The following CENPE variants were observed in gnomAD, a reference collection of about 807,000 sequenced individuals.
CENPE encodes the protein centromere protein E.
In CENPE, 145 loss-of-function variants were observed where a neutral mutation model predicts 336.1. The ratio of observed to expected loss-of-function variants is 0.43; its 90% CI spans 0.38 to 0.50. CENPE has a LOEUF of 0.50. CENPE is among the 20% of genes least tolerant of loss of function. The probability of loss-of-function intolerance (pLI) is 0.00; values close to 1 mark genes in which losing one functional copy is unlikely to be tolerated. For missense variants in CENPE, 2,719 were observed against 3,023.3 expected, an observed-to-expected ratio of 0.90 and a Z score of 2.36; for synonymous variants, 1,013 against 984.8, an observed-to-expected ratio of 1.03 and a Z score of -0.54.
Position 103,161,122 on chromosome 4 carries a change from T to C in CENPE, c.2095A>G (p.Lys699Glu). 6.2e-7 allele frequency: 1 copy of C among 1,607,120 alleles called. No homozygotes were observed. Among genetic ancestry groups the C allele is most frequent in the South Asian group, 1.1e-5 (1 of 88,976 alleles). The part of the protein sequence containing the change: ...ELQSAFNEIT[K>E]LTSLIDGKVP... Reference sequence around the variant, plus strand: ...TTGCCATCTATAAGGGAGGTGAGTTTTGTTATCTCATTAAAAGCAGATTGT... The same window carrying C: ...TTGCCATCTATAAGGGAGGTGAGTTCTGTTATCTCATTAAAAGCAGATTGT... Residue 699 changes from lysine to glutamate, a missense_variant, in exon 20 of 49, where the codon AAA becomes GAA. Transcript: ENST00000265148.
At chr4:103,127,139 C>T (rs1437918206) in intron 42 of CENPE, among the ~76,000 whole-genome samples, 1 of 146,294 alleles carries the variant, frequency 6.8e-6, no homozygotes, top group Non-Finnish European at 1.5e-5. Flanking sequence ...AAAAAAACCC[C>T]CAAAAACAAA....
At chr4:103,150,353 A>C (rs1305400698) in intron 26 of CENPE, among the ~76,000 whole-genome samples, 1 of 152,300 alleles carries the variant, frequency 6.6e-6, no homozygotes, top group East Asian at 1.9e-4. Context: ...AGGCTGAGGC[A>C]GGAAGACTGC....
intron 39 of CENPE, 54 bp from the exon 40 acceptor site, chr4:103,136,413 T>A: frequency 2.4e-6 from 3 of 1,247,882 alleles, no homozygotes; most frequent in South Asian, 2.7e-5. Flanking sequence ...AATATCACAA[T>A]AAGTAGTTAC....
intron 5 of CENPE, 30 bp from the exon 6 acceptor site, chr4:103,194,714 G>A: frequency 1.3e-6 from 2 of 1,533,624 alleles, no homozygotes; most frequent in Non-Finnish European, 1.8e-6. Flanking sequence ...GGAAAGATTA[G>A]AGAAATAGAA....
At chr4:103,112,617 T>C (rs1749582027) in intron 46 of CENPE, among the ~76,000 whole-genome samples, 1 of 133,806 alleles carries the variant, frequency 7.5e-6, no homozygotes, top group African/African-American at 3.0e-5. Context: ...AGTCTGTATA[T>C]ATACTTGTAA....
At chr4:103,161,538 G>T in intron 18 of CENPE, 81 bp from the exon 19 acceptor site, 1 of 1,256,264 alleles carries the variant, frequency 8.0e-7, no homozygotes, top group Non-Finnish European at 1.1e-6. Flanking sequence ...GTATATAAAT[G>T]TTAACTCTAG....
Position 103,149,013 on chromosome 4 carries a change from AT to A in CENPE, c.3688-15del, listed in dbSNP as rs1301838892. 2.5e-6 allele frequency: 4 copies of A among 1,606,882 alleles called. No homozygotes were observed. Among genetic ancestry groups the A allele is most frequent in the Non-Finnish European group, 3.4e-6 (4 of 1,178,280 alleles). On this transcript the variant is annotated splice_polypyrimidine_tract_variant and intron_variant, in intron 27 of 48. Transcript: ENST00000265148. Reference sequence around the variant, plus strand: ...GGTTTGTAGGCCCTTGGCGAGTGAAATTTAAAGAATATTGTAATATTCTTCC... The same window carrying A: ...GGTTTGTAGGCCCTTGGCGAGTGAAATTAAAGAATATTGTAATATTCTTCC...
At chr4:103,113,296 C>T (rs966301614) in intron 46 of CENPE, among the ~76,000 whole-genome samples, 2 of 141,518 alleles carry the variant, frequency 1.4e-5, no homozygotes, top group African/African-American at 5.1e-5. Context: ...AAATCCTTCA[C>T]AGCAGTTCTG....
rs1340197603 is a variant in CENPE at position 103,160,676 on chromosome 4, C to G, written c.2235G>C (p.Leu745Phe). Residue 745 changes from leucine to phenylalanine, a missense_variant, in exon 21 of 49, where the codon TTG (leucine) becomes TTC (phenylalanine). Leu to Phe is a conservative substitution (Grantham distance 22, BLOSUM62 0). Coordinates refer to ENST00000265148, the MANE Select transcript of CENPE (RefSeq NM_001813.3). ...ENEALREEVI[L>F]LSELKSLPSE... ...AAGGTAAAGATTTCAATTCTGAAAG[C>G]AAAATGACTTCTTCCCGCAAAGCTT... The G allele has an allele frequency of 6.2e-7, 1 of 1,611,114 alleles. No homozygotes were observed. The highest frequency in any genetic ancestry group is 2.2e-5 in the East Asian group (1 of 44,654).
intron 8 of CENPE, among the ~76,000 whole-genome samples, chr4:103,191,667 G>T (rs866726016): frequency 6.7e-6 from 1 of 149,236 alleles, no homozygotes; most frequent in African/African-American, 2.5e-5. Flanking sequence ...GGGAGGGGGG[G>T]ATAGCATTAG....
At chr4:103,131,958 A>C (rs1187464337) in intron 42 of CENPE, among the ~76,000 whole-genome samples, 1 of 152,186 alleles carries the variant, frequency 6.6e-6, no homozygotes, top group Non-Finnish European at 1.5e-5. Context: ...GAAGTGATGA[A>C]TACAGGTGGA....
Position 103,136,345 on chromosome 4 carries a change from T to G in CENPE, c.6318A>C (p.Arg2106Ser), listed in dbSNP as rs1256933713. ...KCSRIKELLK[R>S]YSEMDDHYEC... ...CATAATGATCATCCATCTCTGAGTATCTCTTCAAAAGCTCCTAAAGGAAAT... is the reference window on the plus strand; with the variant it reads ...CATAATGATCATCCATCTCTGAGTAGCTCTTCAAAAGCTCCTAAAGGAAAT... The change falls in exon 40 of 49, where the codon AGA (arginine) becomes AGC (serine). Residue 2106 changes from arginine to serine, a missense_variant. Transcript: ENST00000265148. 1.9e-6 allele frequency: 3 copies of G among 1,608,286 alleles called. No individual in the cohort carries two copies. Among genetic ancestry groups the G allele is most frequent in the Non-Finnish European group, 2.5e-6 (3 of 1,177,370 alleles).
At chr4:103,160,123 A>T (rs1376044778) in intron 21 of CENPE, among the ~76,000 whole-genome samples, 1 of 151,984 alleles carries the variant, frequency 6.6e-6, no homozygotes, top group East Asian at 1.9e-4. Context: ...TTTGCCATAC[A>T]GTAAGTACTC....
intron 8 of CENPE, among the ~76,000 whole-genome samples, chr4:103,190,448 T>A: frequency 6.6e-6 from 1 of 152,208 alleles, no homozygotes; most frequent in South Asian, 2.1e-4. Flanking sequence ...AACAGAGATA[T>A]AGACCAATGG....
At chr4:103,182,599 C>T (rs1053092497) in intron 11 of CENPE, among the ~76,000 whole-genome samples, 163 bp downstream of exon 11, 1 of 151,932 alleles carries the variant, frequency 6.6e-6, no homozygotes, top group Non-Finnish European at 1.5e-5. Flanking sequence ...TACAAATAAT[C>T]GAAGTCTGGC....
intron 16 of CENPE, among the ~76,000 whole-genome samples, chr4:103,167,652 G>A (rs577146780): frequency 1.3e-5 from 2 of 152,272 alleles, no homozygotes; most frequent in African/African-American, 4.8e-5. Context: ...TTTGGATTCA[G>A]GTAGGAGGTT....
chr4:103,190,070 GAA>G (rs1365465909), intron 8 of CENPE, among the ~76,000 whole-genome samples: 1 of 152,102 alleles, frequency 6.6e-6, no homozygotes, highest in Non-Finnish European at 1.5e-5. Flanking sequence ...AAATACCTAG[GAA>G]TCCAACTTAT....
chr4:103,186,036 T>G (rs1756739789), intron 8 of CENPE, among the ~76,000 whole-genome samples, 175 bp from the exon 9 acceptor site: 1 of 152,216 alleles, frequency 6.6e-6, no homozygotes, highest in African/African-American at 2.4e-5. Flanking sequence ...GTTCTCTATC[T>G]GTTCCTTTCT....
chr4:103,157,017 C>T (rs1225482975), intron 24 of CENPE, among the ~76,000 whole-genome samples: 2 of 145,698 alleles, frequency 1.4e-5, no homozygotes, highest in Non-Finnish European at 1.5e-5. Context: ...AACTCAAAAC[C>T]ACGATGAGAT....
Sources: allele counts gnomAD v4.1 joint callset (sites outside exome capture counted in the v4.1 genomes callset), GRCh38; gene constraint gnomAD v4.1.1; transcripts MANE v1.5; gene names NCBI Gene and HGNC (gene_info 2026-07-23, HGNC 2026-07-21).